INTS6L: variants seen among roughly 807,000 people sequenced by gnomAD.
INTS6L encodes integrator complex subunit 6 like, also known as integrator complex subunit 6-like.
In INTS6L, 18 loss-of-function variants were observed where a neutral mutation model predicts 64.7. That is an observed-to-expected ratio of 0.28 (90% CI 0.19 to 0.41). The LOEUF (loss-of-function observed/expected upper bound fraction) is 0.41. Among genes scored for constraint, INTS6L ranks in the 10% least tolerant of loss-of-function variants. The pLI is 1.00. For missense variants in INTS6L, 533 were observed against 661.0 expected, an observed-to-expected ratio of 0.81 and a Z score of 2.12; for synonymous variants, 227 against 235.9, an observed-to-expected ratio of 0.96 and a Z score of 0.34.
intron 9 of INTS6L, among the ~76,000 whole-genome samples, chrX:135,561,692 T>C (rs1208987749): frequency 8.9e-6 from 1 of 112,549 alleles, no homozygotes; most frequent in Non-Finnish European, 1.9e-5. Flanking sequence ...AATTATTAAT[T>C]CAATTTCTTT....
chrX:135,570,704 C>T (rs2087069580), intron 11 of INTS6L, 158 bp downstream of exon 11: 3 of 598,780 alleles, frequency 5.0e-6, no homozygotes, highest in African/African-American at 2.3e-5. Flanking sequence ...CTAGCTTCAC[C>T]ATTAAGCTGC....
At chrX:135,539,352 C>T (rs1227937581) in intron 2 of INTS6L, among the ~76,000 whole-genome samples, 7 of 111,975 alleles carry the variant, frequency 6.3e-5, no homozygotes, top group Non-Finnish European at 1.3e-4. Context: ...TCAAAGTTTT[C>T]TTCTGCAGCT....
At position 135,581,044 on chromosome X, in the gene INTS6L, C is replaced by T. The variant is rs2087358601; in HGVS notation, c.2495-6C>T. The T allele has an allele frequency of 8.9e-7, 1 of 1,128,655 alleles. No individual in the cohort carries two copies. Among genetic ancestry groups the T allele is most frequent in the African/African-American group, 1.9e-5 (1 of 53,878 alleles). The allele number at this position is 1,128,655 out of a possible 1,213,427, so 93.0% of individuals were successfully genotyped here. ...AAAATACTGAAGTTTTTTTAAATAT[C>T]TTCAGAATATGAAAGAATTTTCATT... On this transcript the variant is annotated splice_region_variant and splice_polypyrimidine_tract_variant and intron_variant, in intron 16 of 17. Transcript: ENST00000639893.
At chrX:135,522,090 T>C (rs1275873181) in intron 2 of INTS6L, among the ~76,000 whole-genome samples, 1 of 111,640 alleles carries the variant, frequency 9.0e-6, no homozygotes, top group East Asian at 2.8e-4. Flanking sequence ...TCTTTGCGTT[T>C]CTGCTCCGGA....
intron 11 of INTS6L, chrX:135,570,808 G>T: frequency 3.7e-6 from 1 of 269,719 alleles, no homozygotes; most frequent in East Asian, 6.7e-5. Context: ...ATGGGGCAGA[G>T]GTTTAATAGA....
chrX:135,526,389 C>T (rs1178749771), intron 2 of INTS6L, among the ~76,000 whole-genome samples: 4 of 111,035 alleles, frequency 3.6e-5, no homozygotes, highest in African/African-American at 1.3e-4. Flanking sequence ...GTCTCTGCGC[C>T]CTCTCTTCTC....
chrX:135,565,665 C>A (rs1313339817), intron 9 of INTS6L, among the ~76,000 whole-genome samples: 2 of 111,888 alleles, frequency 1.8e-5, no homozygotes, highest in Admixed American at 9.5e-5. Flanking sequence ...GCCCAACAGC[C>A]TTCTGGATGT....
At chrX:135,554,575 G>C (rs182745253) in intron 8 of INTS6L, among the ~76,000 whole-genome samples, 1 of 111,737 alleles carries the variant, frequency 8.9e-6, no homozygotes, top group Admixed American at 9.5e-5. Context: ...GTAGTACTGA[G>C]AACTAGCAAG....
At chrX:135,535,647 T>G (rs2086033614) in intron 2 of INTS6L, among the ~76,000 whole-genome samples, 2 of 112,223 alleles carry the variant, frequency 1.8e-5, no homozygotes, top group South Asian at 3.7e-4. Context: ...TGGAATTGAT[T>G]TATGCAAATT....
intron 12 of INTS6L, 21 bp downstream of exon 12, chrX:135,573,054 T>G: frequency 1.8e-6 from 2 of 1,116,566 alleles, no homozygotes; most frequent in South Asian, 3.8e-5. Flanking sequence ...ACATAAATAG[T>G]TTGTATTTGT....
intron 9 of INTS6L, among the ~76,000 whole-genome samples, chrX:135,560,013 G>GA (rs1556521231): frequency 8.9e-6 from 1 of 112,000 alleles, no homozygotes; most frequent in Non-Finnish European, 1.9e-5. Flanking sequence ...GTTGAGTTTT[G>GA]AAAGTTCTTT....
rs2085515968 is a variant in INTS6L, at chrX:135,520,839, C to T, written c.-154C>T. 6 of 522,325 alleles carry T rather than the reference C, an allele frequency of 1.1e-5. No homozygotes were observed. The highest frequency in any genetic ancestry group is 1.6e-5 in the Non-Finnish European group (5 of 311,294). 43.0% of individuals were successfully genotyped at this position (522,325 alleles called of 1,213,427 possible). On this transcript the variant is annotated 5_prime_UTR_variant, in exon 1 of 18. Transcript: ENST00000639893. The stretch of plus-strand genomic sequence containing the variant: ...GGCTGCAGAAAGAGGAGGCCAGGAG[C>T]GGTCCCATCCGTCCCGTCCCGTCCC...
chrX:135,545,122 A>G (rs1556514448), intron 2 of INTS6L, among the ~76,000 whole-genome samples: 1 of 112,185 alleles, frequency 8.9e-6, no homozygotes, highest in African/African-American at 3.2e-5. Context: ...AAGCTAGGGT[A>G]ACAGGTGTGT....
chrX:135,565,135 A>T (rs2086908462), intron 9 of INTS6L, among the ~76,000 whole-genome samples: 1 of 112,026 alleles, frequency 8.9e-6, no homozygotes, highest in South Asian at 3.7e-4. Context: ...GTCCTATACA[A>T]CTATTATGGG....
chrX:135,579,396 G>T (rs2087314215), intron 15 of INTS6L, among the ~76,000 whole-genome samples: 1 of 112,159 alleles, frequency 8.9e-6, no homozygotes, highest in Non-Finnish European at 1.9e-5. Context: ...GGCAGGTTGT[G>T]GTGTATCCAA....
In INTS6L at chrX:135,581,036, T is replaced by TTAAA. The variant is rs782209515; in HGVS notation, c.2495-11_2495-8dup. On this transcript the variant is annotated splice_polypyrimidine_tract_variant and intron_variant, in intron 16 of 17. Transcript: ENST00000639893. ...TCTTTATAAAAATACTGAAGTTTTT[T>TTAAA]TAAATATCTTCAGAATATGAAAGAA... 2 of 1,102,975 alleles carry TTAAA rather than the reference T, an allele frequency of 1.8e-6. No individual in the cohort carries two copies. Among genetic ancestry groups the TTAAA allele is most frequent in the Admixed American group, 6.4e-5 (2 of 31,484 alleles). 90.9% of individuals were successfully genotyped at this position (1,102,975 alleles called of 1,213,427 possible).
rs782035310 is a variant in INTS6L at position 135,579,832 on chromosome X, G to A, written c.2164G>A (p.Gly722Ser). 1.7e-5 allele frequency: 21 copies of A among 1,200,051 alleles called. No homozygotes were observed. The highest frequency in any genetic ancestry group is 2.4e-5 in the Non-Finnish European group (21 of 888,808). ...HDGHEEKMEN[G>S]QITPDGFLSK... ...TGGCCATGAGGAGAAGATGGAAAAT[G>A]GTCAGATCACACCTGATGGCTTCCT... The change falls in exon 16 of 18, where the codon GGT becomes AGT. Residue 722 changes from glycine to serine, a missense_variant. By Grantham distance (56) the Gly-to-Ser change is moderately conservative (BLOSUM62 0). Coordinates refer to ENST00000639893, the MANE Select transcript of INTS6L (RefSeq NM_001351601.3).
In INTS6L at chrX:135,549,723, G is replaced by C; in HGVS notation, c.824G>C (p.Arg275Pro). 8.3e-7 allele frequency: 1 copy of C among 1,211,666 alleles called. No homozygotes were observed. ...AGTTGTCATAAACTCATTTATGTAC[G>C]ACCTAACTCTAAAACTGGTGTTCCT... ...WHSCHKLIYV[R>P]PNSKTGVPVG... Residue 275 changes from arginine to proline, a missense_variant, in exon 7 of 18, where the codon CGA becomes CCA. Arg to Pro is a moderately radical substitution (Grantham distance 103). Transcript: ENST00000639893.
chrX:135,572,690 A>G, intron 11 of INTS6L, 125 bp from the exon 12 acceptor site: 2 of 579,704 alleles, frequency 3.5e-6, no homozygotes, highest in Non-Finnish European at 5.3e-6. Context: ...TTAATTATCC[A>G]TTTTTCTGTG....
Sources: gnomAD v4.1 joint callset for allele counts (sites outside exome capture counted in the v4.1 genomes callset) on GRCh38, gnomAD v4.1.1 for gene constraint, MANE v1.5 for transcripts, NCBI Gene and HGNC (gene_info 2026-07-23, HGNC 2026-07-21) for gene names.